Variants in RLN2 observed in about 807,000 individuals in gnomAD.
RLN2 encodes the protein prorelaxin H2.
Under a neutral mutation model 7.3 loss-of-function variants are expected in RLN2, and 10 were observed. That is an observed-to-expected ratio of 1.36 (90% confidence interval 0.84 to 2.31). The LOEUF (loss-of-function observed/expected upper bound fraction) is 2.31, where lower values mean the gene tolerates loss of function less well. Ranked by LOEUF, RLN2 falls within the 30% of genes most tolerant of loss-of-function variation. The probability of loss-of-function intolerance (pLI) is 0.00; values close to 1 mark genes in which losing one functional copy is unlikely to be tolerated. For missense variants in RLN2, 298 were observed against 217.6 expected (o/e 1.37, Z -2.32); for synonymous variants, 103 against 82.3 (o/e 1.25, Z -1.36).
chr9:5,324,950 T>C, the RLN2 span, among the ~76,000 whole-genome samples: 1 of 152,002 alleles, frequency 6.6e-6, no homozygotes, highest in African/African-American at 2.4e-5. Flanking sequence ...TTCTGAGGCG[T>C]TGCTTTGCAA....
At chr9:5,331,126 T>C in the RLN2 span, among the ~76,000 whole-genome samples, 1 of 151,950 alleles carries the variant, frequency 6.6e-6, no homozygotes, top group East Asian at 1.9e-4. Context: ...GACCAAAAAA[T>C]GTCCAGGACC....
At chr9:5,319,585 G>A in the RLN2 span, among the ~76,000 whole-genome samples, 3 of 151,948 alleles carry the variant, frequency 2.0e-5, no homozygotes, top group Non-Finnish European at 4.4e-5. Context: ...TTTGGGTAAA[G>A]TTACCGATAT....
the RLN2 span, among the ~76,000 whole-genome samples, chr9:5,329,558 G>A: frequency 1.4e-5 from 2 of 141,998 alleles, no homozygotes; most frequent in African/African-American, 5.4e-5. Flanking sequence ...AGGGATGGAG[G>A]AAGATCTACC....
Position 5,300,042 on chromosome 9 carries a change from A to T in RLN2, c.*56T>A. On this transcript the variant is annotated 3_prime_UTR_variant, in exon 2 of 2. Coordinates refer to ENST00000381627, the MANE Select transcript of RLN2 (RefSeq NM_134441.3). ...TGGGACCTGATAGAAGCATCAGTGAAATGTCATTAAGAATATGTGTGAATA... is the reference window on the plus strand; with the variant it reads ...TGGGACCTGATAGAAGCATCAGTGATATGTCATTAAGAATATGTGTGAATA... 9.0e-7 allele frequency: 1 copy of T among 1,108,662 alleles called. No homozygotes were observed. The highest frequency in any genetic ancestry group is 1.3e-6 in the Non-Finnish European group (1 of 765,454). The allele number at this position is 1,108,662 out of a possible 1,614,324, so 68.7% of individuals were successfully genotyped here.
the RLN2 span, among the ~76,000 whole-genome samples, chr9:5,319,476 A>G: frequency 6.6e-6 from 1 of 152,002 alleles, no homozygotes; most frequent in African/African-American, 2.4e-5. Context: ...TCATTTAGGA[A>G]AAAGTTCAAA....
At chr9:5,310,005 A>T in the RLN2 span, among the ~76,000 whole-genome samples, 5 of 152,078 alleles carry the variant, frequency 3.3e-5, 1 homozygote, top group Admixed American at 2.0e-4. Context: ...AGGAGCACCA[A>T]TCTTAAGGTG....
At chr9:5,309,289 G>A (rs568926542), upstream of RLN2, among the ~76,000 whole-genome samples, 5 of 152,110 alleles carry the variant, frequency 3.3e-5, no homozygotes, top group Admixed American at 2.0e-4. Context: ...TCTGCTCAGC[G>A]TTGATAGAAA....
chr9:5,300,587 T>C lies in RLN2; in HGVS notation c.212-143A>G. 1.1e-5 allele frequency: 7 copies of C among 625,044 alleles called. No homozygotes were observed. In the South Asian group the frequency reaches 1.2e-4, roughly 11 times the overall value. The allele number at this position is 625,044 out of a possible 1,614,324, so 38.7% of individuals were successfully genotyped here. ...GAAACAAAATAAGCAAGCATCCTAATATCTAAACACTTAGCTTACTTACAG... is the reference window on the plus strand; with the variant it reads ...GAAACAAAATAAGCAAGCATCCTAACATCTAAACACTTAGCTTACTTACAG... On this transcript the variant is annotated intron_variant, in intron 1 of 1. Transcript: ENST00000381627.
rs1459797102 is a variant in RLN2, at chr9:5,302,909, TTAATA to T, written c.211+1456_211+1460del. Among the ~76,000 whole-genome samples the T allele has an allele frequency of 3.4e-5, 5 of 148,162 alleles. 1 individual carries two copies. Among genetic ancestry groups the T allele is most frequent in the South Asian group, 4.3e-4 (2 of 4,602 alleles). ...TTAACATTTCTTTCCACTTACTTGT[TTAATA>T]TAATTTCATTTTCTCATAAAATTCA... On this transcript the variant is annotated intron_variant, in intron 1 of 1. Coordinates refer to ENST00000381627, the MANE Select transcript of RLN2 (RefSeq NM_134441.3).
chr9:5,304,107 C>T (rs548332881), intron 1 of RLN2: 4,869 of 321,804 alleles, frequency 0.015, 84 homozygotes, highest in Non-Finnish European at 0.02. Context: ...GAAAGGGCAC[C>T]AAGGAACTCT....
At chr9:5,337,206 G>A in the RLN2 span, among the ~76,000 whole-genome samples, 1 of 151,922 alleles carries the variant, frequency 6.6e-6, no homozygotes, top group African/African-American at 2.4e-5. Flanking sequence ...TAAACTGTCT[G>A]TAGTTGCAGT....
At chr9:5,320,725 T>C in the RLN2 span, among the ~76,000 whole-genome samples, 1 of 152,112 alleles carries the variant, frequency 6.6e-6, no homozygotes, top group East Asian at 1.9e-4. Flanking sequence ...ATTTTTAGTA[T>C]TGCATTTAAA....
rs376198314 is a variant in RLN2 at position 5,299,878 on chromosome 9, ATG to A, written c.*218_*219del. Reference sequence around the variant, plus strand: ...GACAAAAAGGCTTTTCAGCAAAAAAATGTGTCATTTAATCACACAAAGAACAT... The same window carrying A: ...GACAAAAAGGCTTTTCAGCAAAAAAATGTCATTTAATCACACAAAGAACAT... On this transcript the variant is annotated 3_prime_UTR_variant, in exon 2 of 2. Transcript: ENST00000381627. 3 of 387,760 alleles carry A rather than the reference ATG, an allele frequency of 7.7e-6. No individual in the cohort carries two copies. The highest frequency in any genetic ancestry group is 6.2e-5 in the African/African-American group (3 of 48,224). The allele number at this position is 387,760 out of a possible 1,614,324, so 24.0% of individuals were successfully genotyped here.
the RLN2 span, among the ~76,000 whole-genome samples, chr9:5,334,612 A>G: frequency 6.6e-6 from 1 of 151,964 alleles, no homozygotes; most frequent in Non-Finnish European, 1.5e-5. Context: ...CTCCTCCATT[A>G]TGTCTATACG....
chr9:5,312,321 A>G, the RLN2 span, among the ~76,000 whole-genome samples: 2 of 152,044 alleles, frequency 1.3e-5, no homozygotes, highest in Admixed American at 6.5e-5. Context: ...CTGACCCCCA[A>G]TCATTGGTTA....
the RLN2 span, among the ~76,000 whole-genome samples, chr9:5,323,034 A>G: frequency 1.5e-4 from 22 of 151,724 alleles, no homozygotes; most frequent in Non-Finnish European, 3.1e-4. Flanking sequence ...TGCCAGAAAG[A>G]GAGTTACTCA....
the RLN2 span, among the ~76,000 whole-genome samples, chr9:5,326,044 T>C: frequency 6.6e-6 from 1 of 152,102 alleles, no homozygotes; most frequent in South Asian, 2.1e-4. Context: ...AAAAATTTAA[T>C]TTGTAATTAT....
chr9:5,339,314 T>TTCCC, the RLN2 span: 1 of 431,116 alleles, frequency 2.3e-6, no homozygotes, highest in East Asian at 3.6e-5. Context: ...TCTCAGTGCT[T>TTCCC]TCCCTCCGTC....
the RLN2 span, among the ~76,000 whole-genome samples, chr9:5,313,635 C>T: frequency 1.1e-4 from 16 of 151,900 alleles, no homozygotes; most frequent in South Asian, 8.3e-4. Flanking sequence ...GTGAAATGAT[C>T]AAATCAGGTT....
Sources: gnomAD v4.1 joint callset for allele counts (sites outside exome capture counted in the v4.1 genomes callset) on GRCh38, gnomAD v4.1.1 for gene constraint, MANE v1.5 for transcripts, NCBI Gene and HGNC (gene_info 2026-07-23, HGNC 2026-07-21) for gene names.